ZFHX4: variants seen among roughly 807,000 people sequenced by gnomAD.
ZFHX4 encodes zinc finger homeobox protein 4.
ZFHX4 carries 56 observed loss-of-function variants against 267.6 expected under a neutral mutation model. The observed-to-expected ratio is 0.21, with a 90% CI of 0.17 to 0.26. The LOEUF is 0.26. ZFHX4 is among the 10% of genes least tolerant of loss of function. The pLI is 1.00. For missense variants in ZFHX4, 4,332 were observed against 4,420.0 expected, an observed-to-expected ratio of 0.98 and a Z score of 0.56; for synonymous variants, 1,778 against 1,665.6, an observed-to-expected ratio of 1.07 and a Z score of -1.64.
intron 3 of ZFHX4, among the ~76,000 whole-genome samples, chr8:76,765,375 A>T (rs1259794094): frequency 6.6e-6 from 1 of 152,186 alleles, no homozygotes; most frequent in African/African-American, 2.4e-5. Flanking sequence ...AATTTTAGAT[A>T]TGCTGAAATT....
Position 76,851,648 on chromosome 8 carries a change from C to A in ZFHX4, c.4727C>A (p.Ala1576Asp), listed in dbSNP as rs1421556467. The A allele has an allele frequency of 1.2e-6, 2 of 1,613,832 alleles. No individual in the cohort carries two copies. Among genetic ancestry groups the A allele is most frequent in the Admixed American group, 1.7e-5 (1 of 60,006 alleles). The stretch of plus-strand genomic sequence containing the variant: ...AAGCTGAAAAAAGTTTTGCAGGAAG[C>A]CTCCAGTCCTGTCCCACAAGAAACC... Reference protein sequence around the residue: ...LHKLKKVLQEASSPVPQETNS... With the variant: ...LHKLKKVLQEDSSPVPQETNS... The change falls in exon 10 of 11, where the codon GCC becomes GAC. Residue 1576 changes from alanine to aspartate, a missense_variant. Coordinates refer to ENST00000651372, the MANE Select transcript of ZFHX4 (RefSeq NM_024721.5).
chr8:76,741,844 C>A (rs1294963238), intron 3 of ZFHX4, among the ~76,000 whole-genome samples: 2 of 152,140 alleles, frequency 1.3e-5, no homozygotes, highest in Non-Finnish European at 2.9e-5. Context: ...TGTACTCCTC[C>A]TGTTTCAGAG....
chr8:76,830,734 A>T lies in ZFHX4; in HGVS notation c.3326-2604A>T, dbSNP rs1312401281. Among the ~76,000 whole-genome samples the T allele has an allele frequency of 2.0e-5, 3 of 152,174 alleles. No homozygotes were observed. The East Asian group carries it at 5.8e-4, about 29-fold the overall frequency. On this transcript the variant is annotated intron_variant, in intron 4 of 10. Transcript: ENST00000651372. ...GATTAAACAACAGTTGCTGATTTTG[A>T]CATTTTGTACATTTCATTAAATCAC...
rs773826101 is a variant in ZFHX4, at chr8:76,704,398, C to T, written c.310C>T (p.Arg104Cys). 99 of 1,613,964 alleles carry T rather than the reference C, an allele frequency of 6.1e-5. 1 individual carries two copies. The highest frequency in any genetic ancestry group is 7.3e-5 in the Non-Finnish European group (86 of 1,179,896). ...CATGGAACACCACTGCCCTAATGCCCGCCTTCCTGTCCTGAAGGATGACAA... is the reference window on the plus strand; with the variant it reads ...CATGGAACACCACTGCCCTAATGCCTGCCTTCCTGTCCTGAAGGATGACAA... Reference protein sequence around the residue: ...KYMEHHCPNARLPVLKDDNES... With the variant: ...KYMEHHCPNACLPVLKDDNES... The change falls in exon 2 of 11, where the codon CGC becomes TGC. Residue 104 changes from arginine to cysteine, a missense_variant. Arg to Cys is a radical substitution (Grantham distance 180, BLOSUM62 -3). Transcript: ENST00000651372.
Position 76,725,839 on chromosome 8 carries a change from G to T in ZFHX4, c.3093+17791G>T, listed in dbSNP as rs116581775. On this transcript the variant is annotated intron_variant, in intron 3 of 10. Coordinates refer to ENST00000651372, the MANE Select transcript of ZFHX4 (RefSeq NM_024721.5). ...TCCTCCTGTGCCAGTACAATTGCAA[G>T]GACATTTCGAAGTCATAATCTGTTA... 8.9e-3 allele frequency among the ~76,000 whole-genome samples: 1,358 copies of T among 152,186 alleles called. 19 individuals carry two copies. Among genetic ancestry groups the T allele is most frequent in the African/African-American group, 0.031 (1,274 of 41,536 alleles).
chr8:76,787,565 G>A (rs1186671351), intron 4 of ZFHX4, among the ~76,000 whole-genome samples: 1 of 151,004 alleles, frequency 6.6e-6, no homozygotes, highest in East Asian at 2.0e-4. Flanking sequence ...CCCTTTGGAA[G>A]GCCGAGGTGG....
intron 3 of ZFHX4, among the ~76,000 whole-genome samples, chr8:76,725,320 T>G (rs1398662676): frequency 1.3e-5 from 2 of 152,164 alleles, no homozygotes; most frequent in African/African-American, 4.8e-5. Context: ...TGAATCTTTG[T>G]GTATTTCATA....
intron 3 of ZFHX4, among the ~76,000 whole-genome samples, chr8:76,742,120 A>C (rs889463942): frequency 6.6e-6 from 1 of 152,226 alleles, no homozygotes; most frequent in Non-Finnish European, 1.5e-5. Flanking sequence ...AAGAGGAATA[A>C]GCAGAAAATG....
intron 3 of ZFHX4, among the ~76,000 whole-genome samples, chr8:76,762,160 A>T (rs536330212): frequency 6.6e-6 from 1 of 152,330 alleles, no homozygotes; most frequent in African/African-American, 2.4e-5. Flanking sequence ...CTACAAAGAA[A>T]GTATGACTAG....
intron 4 of ZFHX4, among the ~76,000 whole-genome samples, chr8:76,796,837 G>A (rs1017885458): frequency 1.3e-5 from 2 of 152,132 alleles, no homozygotes; most frequent in African/African-American, 4.8e-5. Flanking sequence ...CCGTGAAGAG[G>A]TGTTTTTGTT....
intron 4 of ZFHX4, among the ~76,000 whole-genome samples, chr8:76,795,265 A>AT (rs1554565515): frequency 6.6e-6 from 1 of 152,130 alleles, no homozygotes; most frequent in East Asian, 1.9e-4. Flanking sequence ...AGCCATATTA[A>AT]TTTTTTTGTT....
intron 6 of ZFHX4, among the ~76,000 whole-genome samples, chr8:76,847,350 T>C (rs1812389317): frequency 6.6e-6 from 1 of 152,134 alleles, no homozygotes; most frequent in African/African-American, 2.4e-5. Flanking sequence ...ATCAGTGTAA[T>C]GAAACTTTCC....
chr8:76,704,016 G>A, intron 1 of ZFHX4, 27 bp from the exon 2 acceptor site: 1 of 1,401,980 alleles, frequency 7.1e-7, no homozygotes, highest in Non-Finnish European at 9.6e-7. Flanking sequence ...AATAAAAATG[G>A]CTTCTCTCAC....
At position 76,864,673 on chromosome 8, in the gene ZFHX4, C is replaced by T. The variant is rs1317633459; in HGVS notation, c.*108C>T. 1 of 751,374 alleles carries T rather than the reference C, an allele frequency of 1.3e-6. No homozygotes were observed. The highest frequency in any genetic ancestry group is 2.1e-6 in the Non-Finnish European group (1 of 486,146). The allele number at this position is 751,374 out of a possible 1,614,324, so 46.5% of individuals were successfully genotyped here. ...CTTCTCTAACCCAAAAATTACAGTA[C>T]CAAATGATTGACTCAGGATTGTTTT... On this transcript the variant is annotated 3_prime_UTR_variant, in exon 11 of 11. Coordinates refer to ENST00000651372, the MANE Select transcript of ZFHX4 (RefSeq NM_024721.5).
intron 4 of ZFHX4, among the ~76,000 whole-genome samples, chr8:76,786,726 A>G (rs918601587): frequency 6.6e-6 from 1 of 152,226 alleles, no homozygotes; most frequent in Non-Finnish European, 1.5e-5. Context: ...CAAACAAGAA[A>G]AAAGCCCTGA....
chr8:76,846,780 T>A (rs866845061), intron 6 of ZFHX4, among the ~76,000 whole-genome samples: 3 of 152,130 alleles, frequency 2.0e-5, no homozygotes, highest in Non-Finnish European at 2.9e-5. Context: ...CTTATGGAAA[T>A]GAGTCCATAG....
intron 6 of ZFHX4, among the ~76,000 whole-genome samples, chr8:76,848,408 A>G (rs1563556019): frequency 6.6e-6 from 1 of 152,198 alleles, no homozygotes; most frequent in Non-Finnish European, 1.5e-5. Context: ...TTTGTACTAA[A>G]TGTTATATGT....
chr8:76,797,876 G>A (rs961888664), intron 4 of ZFHX4, among the ~76,000 whole-genome samples: 4 of 145,870 alleles, frequency 2.7e-5, no homozygotes, highest in African/African-American at 7.9e-5. Context: ...GTTTTGGGGT[G>A]TGTGTCTGTA....
chr8:76,747,695 G>A (rs1809496494), intron 3 of ZFHX4, among the ~76,000 whole-genome samples: 1 of 152,184 alleles, frequency 6.6e-6, no homozygotes, highest in Non-Finnish European at 1.5e-5. Context: ...ACTTTGGGAG[G>A]CCGAGGCAGG....
Sources: gnomAD v4.1 joint callset for allele counts (sites outside exome capture counted in the v4.1 genomes callset) on GRCh38, gnomAD v4.1.1 for gene constraint, MANE v1.5 for transcripts, NCBI Gene and HGNC (gene_info 2026-07-23, HGNC 2026-07-21) for gene names.